The following STAU1 variants were observed in gnomAD, a reference collection of about 807,000 sequenced individuals.
The protein encoded by STAU1 is double-stranded RNA-binding protein Staufen homolog 1.
In STAU1, 13 loss-of-function variants were observed where a neutral mutation model predicts 62.9. The ratio of observed to expected loss-of-function variants is 0.21; its 90% CI spans 0.13 to 0.33. The LOEUF is 0.33. Among genes scored for constraint, STAU1 ranks in the 10% least tolerant of loss-of-function variants. The pLI, the probability that STAU1 is intolerant of heterozygous loss-of-function variation, is 1.00. For synonymous variants in STAU1, 269 were observed against 265.1 expected, an observed-to-expected ratio of 1.01 and a Z score of -0.14; for missense variants, 571 against 712.1, an observed-to-expected ratio of 0.80 and a Z score of 2.25.
At chr20:49,181,766 C>CAAAAAAA (rs758956478) in intron 1 of STAU1, among the ~76,000 whole-genome samples, 4 of 24,508 alleles carry the variant, frequency 1.6e-4, no homozygotes, top group Non-Finnish European at 2.8e-4. Flanking sequence ...ACTATCTCAA[C>CAAAAAAA]AAAAAAAAAA....
upstream of STAU1, among the ~76,000 whole-genome samples, chr20:49,189,642 A>G (rs1281178387): frequency 1.3e-5 from 2 of 150,810 alleles, no homozygotes; most frequent in Non-Finnish European, 3.0e-5. Context: ...AAAAAAAAAA[A>G]GAATCTTGAA....
In STAU1 at chr20:49,117,770, C is replaced by G. The variant is rs1250565894; in HGVS notation, c.1509+7G>C. 1.2e-6 allele frequency: 2 copies of G among 1,601,204 alleles called. No individual in the cohort carries two copies. The highest frequency in any genetic ancestry group is 8.5e-7 in the Non-Finnish European group (1 of 1,173,196). ...CACAGCCATCACAGCTCAGGCCAGACAGTTACCTGGAATCCCTGGACTCTG... is the reference window on the plus strand; with the variant it reads ...CACAGCCATCACAGCTCAGGCCAGAGAGTTACCTGGAATCCCTGGACTCTG... On this transcript the variant is annotated splice_region_variant and intron_variant, in intron 11 of 13. Transcript: ENST00000371856. This position sits in a 1 kb window ranked among gnomAD's most constrained non-coding sequence, Gnocchi z 4.6.
intron 10 of STAU1, 21 bp downstream of exon 10, chr20:49,118,312 C>T (rs1356344869): frequency 2.5e-6 from 4 of 1,602,718 alleles, no homozygotes; most frequent in Admixed American, 1.7e-5. Flanking sequence ...CAGAGGAAGA[C>T]GATATTAAGA....
In STAU1 at chr20:49,114,779, G is replaced by T; in HGVS notation, c.*99C>A. On this transcript the variant is annotated 3_prime_UTR_variant, in exon 14 of 14. Coordinates refer to ENST00000371856, the MANE Select transcript of STAU1 (RefSeq NM_017453.4). The stretch of plus-strand genomic sequence containing the variant: ...ACATCCTTTACCCACCGTGTCTCTC[G>T]GCCCACTGGAGGTATCAGAAATTCC... 2 of 1,136,994 alleles carry T rather than the reference G, an allele frequency of 1.8e-6. No individual in the cohort carries two copies. The highest frequency in any genetic ancestry group is 2.6e-6 in the Non-Finnish European group (2 of 761,568). The allele number at this position is 1,136,994 out of a possible 1,614,324, so 70.4% of individuals were successfully genotyped here. A position where few individuals can be genotyped will look rare whatever the true frequency, so the allele number is the denominator to read the frequency against.
At chr20:49,197,315 G>T in the STAU1 span, among the ~76,000 whole-genome samples, 1 of 149,104 alleles carries the variant, frequency 6.7e-6, no homozygotes, top group African/African-American at 2.4e-5. Flanking sequence ...AAAGCAAGTC[G>T]CAGATTTGGA....
chr20:49,189,029 G>T (rs1188664929), upstream of STAU1, among the ~76,000 whole-genome samples: 1 of 150,912 alleles, frequency 6.6e-6, no homozygotes. Flanking sequence ...TGAAACCCCC[G>T]TCTCTACTGA....
chr20:49,216,226 T>TA, the STAU1 span, among the ~76,000 whole-genome samples: 78 of 150,014 alleles, frequency 5.2e-4, no homozygotes, highest in East Asian at 4.3e-3. Flanking sequence ...CCTTATATCT[T>TA]AAAAAAAAAT....
At chr20:49,139,706 A>G (rs1401711720) in intron 5 of STAU1, among the ~76,000 whole-genome samples, 1 of 151,454 alleles carries the variant, frequency 6.6e-6, no homozygotes, top group East Asian at 2.0e-4. Flanking sequence ...AGCTTGGGCA[A>G]CAAGAGCGAA....
At chr20:49,196,791 A>G in the STAU1 span, among the ~76,000 whole-genome samples, 1 of 151,604 alleles carries the variant, frequency 6.6e-6, no homozygotes, top group African/African-American at 2.4e-5. Context: ...AAAGAAAAAA[A>G]AAAAAAAGAA....
intron 3 of STAU1, among the ~76,000 whole-genome samples, chr20:49,160,181 A>T (rs2093426964): frequency 6.6e-6 from 1 of 152,244 alleles, no homozygotes; most frequent in Non-Finnish European, 1.5e-5. Context: ...ACAAGATCAC[A>T]CAGCTAGTAA....
chr20:49,114,607 T>TTAAAAA lies in STAU1; in HGVS notation c.*270_*271insTTTTTA. On this transcript the variant is annotated 3_prime_UTR_variant, in exon 14 of 14. Coordinates refer to ENST00000371856, the MANE Select transcript of STAU1 (RefSeq NM_017453.4). ...CTGCTGGTGTCCCGGGAGAACCAGC[T>TTAAAAA]GGCTGGGCAGCCCTTCTTCCCCACA... 4.6e-6 allele frequency: 2 copies of TTAAAAA among 437,332 alleles called. No homozygotes were observed. The highest frequency in any genetic ancestry group is 5.1e-5 in the South Asian group (1 of 19,418). The allele number at this position is 437,332 out of a possible 1,614,324, so 27.1% of individuals were successfully genotyped here.
At chr20:49,207,773 G>A in the STAU1 span, among the ~76,000 whole-genome samples, 1 of 152,058 alleles carries the variant, frequency 6.6e-6, no homozygotes, top group Admixed American at 6.6e-5. Flanking sequence ...ACCCATCTCG[G>A]CCTCCCAAAG....
intron 8 of STAU1, among the ~76,000 whole-genome samples, chr20:49,122,831 C>T (rs755272389): frequency 1.3e-5 from 2 of 152,098 alleles, no homozygotes; most frequent in South Asian, 2.1e-4. Flanking sequence ...GCAGGAGAAT[C>T]GCTTCAATCA....
intron 3 of STAU1, among the ~76,000 whole-genome samples, chr20:49,165,794 C>T (rs1340749090): frequency 6.7e-6 from 1 of 149,364 alleles, no homozygotes; most frequent in Non-Finnish European, 1.5e-5. Context: ...TTCTCACAAC[C>T]TACAATCGTC....
At chr20:49,143,117 T>C (rs1477849852) in intron 5 of STAU1, among the ~76,000 whole-genome samples, 1 of 152,120 alleles carries the variant, frequency 6.6e-6, no homozygotes, top group Non-Finnish European at 1.5e-5. Context: ...AAATTTCCTA[T>C]TATCCAGACT....
At chr20:49,153,163 T>A (rs1029130739) in intron 4 of STAU1, among the ~76,000 whole-genome samples, 1 of 143,656 alleles carries the variant, frequency 7.0e-6, no homozygotes, top group East Asian at 2.1e-4. Flanking sequence ...GGCAGGAGAA[T>A]AGCATGAACC....
chr20:49,143,367 G>A (rs754978926), intron 5 of STAU1, among the ~76,000 whole-genome samples: 21 of 152,094 alleles, frequency 1.4e-4, no homozygotes, highest in African/African-American at 3.4e-4. Flanking sequence ...CACGGTGGGC[G>A]GATCACTTGA....
At chr20:49,204,640 ATATATATTTTTT>A in the STAU1 span, among the ~76,000 whole-genome samples, 6 of 53,532 alleles carry the variant, frequency 1.1e-4, no homozygotes, top group African/African-American at 3.6e-4. Context: ...ATATATATAT[ATATATATTTTTT>A]TTTTTTTTTT....
upstream of STAU1, among the ~76,000 whole-genome samples, chr20:49,189,685 T>TTGTG (rs1180447130): frequency 6.6e-6 from 1 of 150,860 alleles, no homozygotes; most frequent in East Asian, 1.9e-4. Context: ...TATGCTCGCG[T>TTGTG]TGTGAGAGGT....
Sources: gnomAD v4.1 joint callset for allele counts (sites outside exome capture counted in the v4.1 genomes callset) on GRCh38, gnomAD v4.1.1 for gene constraint, Gnocchi (gnomAD v3.1) non-coding constraint, MANE v1.5 for transcripts, NCBI Gene and HGNC (gene_info 2026-07-23, HGNC 2026-07-21) for gene names.